Variants in XRRA1 observed in about 807,000 individuals in gnomAD.
The protein encoded by XRRA1 is X-ray radiation resistance associated 1.
In XRRA1, 69 loss-of-function variants were observed where a neutral mutation model predicts 80.2. The ratio of observed to expected loss-of-function variants is 0.86; its 90% confidence interval spans 0.71 to 1.05. The LOEUF is 1.05. XRRA1 is among the 50% of genes least tolerant of loss of function. The probability of loss-of-function intolerance (pLI) is 0.00; values close to 1 mark genes in which losing one functional copy is unlikely to be tolerated. For synonymous variants in XRRA1, 348 were observed against 389.9 expected, an observed-to-expected ratio of 0.89 and a Z score of 1.27; for missense variants, 967 against 976.4, an observed-to-expected ratio of 0.99 and a Z score of 0.13.
In XRRA1 at chr11:74,848,411, G is replaced by A; in HGVS notation, c.1432C>T (p.Pro478Ser). Residue 478 changes from proline to serine, a missense_variant, in exon 15 of 19, where the codon CCG becomes TCG. Physicochemically the swap from Pro to Ser is moderately conservative, Grantham distance 74. Coordinates refer to ENST00000684022, the MANE Select transcript of XRRA1 (RefSeq NM_001378157.1). Reference sequence around the variant, plus strand: ...GGAGACTTGGTTGTCGTCATGCGCGGGTGATGGAGCACCAGAGGCTGCTTC... The same window carrying A: ...GGAGACTTGGTTGTCGTCATGCGCGAGTGATGGAGCACCAGAGGCTGCTTC... ...VPKQPLVLHH[P>S]RMTTTKSPSK... 6.2e-7 allele frequency: 1 copy of A among 1,613,648 alleles called. No homozygotes were observed. Among genetic ancestry groups the A allele is most frequent in the Non-Finnish European group, 8.5e-7 (1 of 1,179,672 alleles).
chr11:74,878,969 A>C (rs1043145135), intron 10 of XRRA1, among the ~76,000 whole-genome samples: 16 of 150,814 alleles, frequency 1.1e-4, no homozygotes, highest in Non-Finnish European at 1.5e-5. Flanking sequence ...TTCCATATGA[A>C]CTTTAAAGTA....
At position 74,916,590 on chromosome 11, in the gene XRRA1, T is replaced by A. The variant is rs932709684; in HGVS notation, c.656+4624A>T. 2.6e-5 allele frequency among the ~76,000 whole-genome samples: 4 copies of A among 152,330 alleles called. No homozygotes were observed. The East Asian group carries it at 7.7e-4, about 29-fold the overall frequency. ...TGACTTTATTCATATCTTTCATTAG[T>A]TCTTTGAAAACCTTTAAGACAGCTG... On this transcript the variant is annotated intron_variant, in intron 8 of 18. Coordinates refer to ENST00000684022, the MANE Select transcript of XRRA1 (RefSeq NM_001378157.1).
intron 10 of XRRA1, among the ~76,000 whole-genome samples, chr11:74,904,502 TAC>T (rs1029964381): frequency 2.1e-4 from 32 of 151,002 alleles, no homozygotes; most frequent in African/African-American, 7.3e-4. Flanking sequence ...CCATTAGAGA[TAC>T]AGACATGAGA....
intron 8 of XRRA1, 57 bp from the exon 9 acceptor site, chr11:74,907,330 C>T (rs570186986): frequency 2.5e-5 from 40 of 1,601,512 alleles, no homozygotes; most frequent in Middle Eastern, 1.7e-4. Context: ...TTCCACCATT[C>T]CCAGGAAGCC....
intron 2 of XRRA1, among the ~76,000 whole-genome samples, chr11:74,943,524 G>GGAGTGTGTGTGTGTGTGTGT (rs1330173160): frequency 7.3e-6 from 1 of 137,762 alleles, no homozygotes; most frequent in Admixed American, 7.8e-5. Context: ...AGAGTAGGAG[G>GGAGTGTGTGTGTGTGTGTGT]GTGTGTGTGT....
chr11:74,898,067 CAT>C (rs1448265163), intron 10 of XRRA1, among the ~76,000 whole-genome samples: 2 of 152,112 alleles, frequency 1.3e-5, no homozygotes, highest in African/African-American at 4.8e-5. Context: ...CTTTTCAAGA[CAT>C]AGTATAATAA....
At chr11:74,921,996 G>A (rs918347773) in intron 7 of XRRA1, among the ~76,000 whole-genome samples, 1 of 152,098 alleles carries the variant, frequency 6.6e-6, no homozygotes, top group Admixed American at 6.5e-5. Context: ...AGTGGCTCAC[G>A]CCTGTAATCC....
In XRRA1 at chr11:74,843,426, C is replaced by T. The variant is rs772837887; in HGVS notation, c.2177G>A (p.Arg726Gln). Residue 726 changes from arginine to glutamine, a missense_variant, in exon 19 of 19, where the codon CGG becomes CAG. Physicochemically the swap from Arg to Gln is conservative, Grantham distance 43. Coordinates refer to ENST00000684022, the MANE Select transcript of XRRA1 (RefSeq NM_001378157.1). ...GTACTGCTTGTGGTTCACCAGCCGC[C>T]GTTCTGTCCACTGGTGCAGGACAGC... ...LGAVLHQWTE[R>Q]RLVNHKQYLE... 10 of 1,612,614 alleles carry T rather than the reference C, an allele frequency of 6.2e-6. No individual in the cohort carries two copies. The highest frequency in any genetic ancestry group is 3.3e-5 in the Admixed American group (2 of 59,864).
At chr11:74,882,468 G>C (rs1182819237) in intron 10 of XRRA1, among the ~76,000 whole-genome samples, 1 of 151,998 alleles carries the variant, frequency 6.6e-6, no homozygotes, top group Non-Finnish European at 1.5e-5. Context: ...TCCTCCCGTA[G>C]CTCAGAGTAA....
chr11:74,921,582 C>T (rs546325494), intron 7 of XRRA1, among the ~76,000 whole-genome samples: 7 of 152,140 alleles, frequency 4.6e-5, no homozygotes, highest in South Asian at 2.1e-4. Flanking sequence ...GACTCCTCCC[C>T]GCTGTTTGCC....
intron 10 of XRRA1, among the ~76,000 whole-genome samples, chr11:74,868,853 T>C (rs542549812): frequency 6.6e-6 from 1 of 152,122 alleles, no homozygotes; most frequent in Non-Finnish European, 1.5e-5. Context: ...AAAAAGCAAG[T>C]TGCTTTTAGA....
At chr11:74,852,543 G>C (rs78785758) in intron 12 of XRRA1, among the ~76,000 whole-genome samples, 1 of 152,124 alleles carries the variant, frequency 6.6e-6, no homozygotes, top group Non-Finnish European at 1.5e-5. Flanking sequence ...CACTTCTGAT[G>C]GCTCTTTCAC....
chr11:74,933,395 T>TACAG (rs983546164), intron 5 of XRRA1: 1 of 159,750 alleles, frequency 6.3e-6, no homozygotes, highest in African/African-American at 2.4e-5. Flanking sequence ...TAGCTGGGAT[T>TACAG]ACAGGTGCCT....
Position 74,939,538 on chromosome 11 carries a change from T to C in XRRA1, c.94+1247A>G, listed in dbSNP as rs549799392. ...TCAAGTCAGCTGCGTCCTTTCAACA[T>C]GCCCTCATTATTTTCCTGAGCACTT... On this transcript the variant is annotated intron_variant, in intron 3 of 18. Coordinates refer to ENST00000684022, the MANE Select transcript of XRRA1 (RefSeq NM_001378157.1). Among the ~76,000 whole-genome samples, 6 of 152,330 alleles carry C rather than the reference T, an allele frequency of 3.9e-5. No individual in the cohort carries two copies. In the South Asian group the frequency reaches 1.0e-3, roughly 26 times the overall value.
chr11:74,896,384 T>G (rs1375017326), intron 10 of XRRA1, among the ~76,000 whole-genome samples: 1 of 152,226 alleles, frequency 6.6e-6, no homozygotes, highest in East Asian at 1.9e-4. Context: ...GTCAGTGGCC[T>G]GGCAGAAACC....
Position 74,851,981 on chromosome 11 carries a change from C to T in XRRA1, c.1264+8G>A, listed in dbSNP as rs1358153646. On this transcript the variant is annotated splice_region_variant and intron_variant, in intron 13 of 18. Transcript: ENST00000684022. ...GGTTGAGAGGGGGCAGGTTTGCGGG[C>T]ACTATACCTCGTGTATGGGCCACCA... 18 of 1,612,932 alleles carry T rather than the reference C, an allele frequency of 1.1e-5. No individual in the cohort carries two copies. The highest frequency in any genetic ancestry group is 1.4e-5 in the Non-Finnish European group (17 of 1,179,128).
At position 74,868,363 on chromosome 11, in the gene XRRA1, GAGGTCTTGA is replaced by G. The variant is rs368463387; in HGVS notation, c.1004-5351_1004-5343del. Among the ~76,000 whole-genome samples the G allele has an allele frequency of 1.9e-3, 290 of 152,322 alleles. 1 individual carries two copies. Among genetic ancestry groups the G allele is most frequent in the African/African-American group, 4.6e-3 (193 of 41,560 alleles). ...CTATCCGACCAGATATGCCTTACAAGAGGTCTTGAAGGGAGTGCTAAACTTGGAAAGAAA... is the reference window on the plus strand; with the variant it reads ...CTATCCGACCAGATATGCCTTACAAGAGGGAGTGCTAAACTTGGAAAGAAA... On this transcript the variant is annotated intron_variant, in intron 10 of 18. Coordinates refer to ENST00000684022, the MANE Select transcript of XRRA1 (RefSeq NM_001378157.1).
intron 17 of XRRA1, 26 bp from the exon 18 acceptor site, chr11:74,843,985 G>A (rs373621337): frequency 2.5e-6 from 4 of 1,595,418 alleles, no homozygotes; most frequent in Non-Finnish European, 3.4e-6. Flanking sequence ...GGAGGAGGGT[G>A]TTATCCCAGG....
Position 74,844,218 on chromosome 11 carries a change from T to A in XRRA1, c.1993A>T (p.Lys665Ter). 6.2e-7 allele frequency: 1 copy of A among 1,613,864 alleles called. No homozygotes were observed. The highest frequency in any genetic ancestry group is 2.2e-5 in the East Asian group (1 of 44,876). The stretch of plus-strand genomic sequence containing the variant: ...TTCTGAAGAGTGTCCAGCTTGGGCT[T>A]GGAGGAGTGGCACAGGAGTGGGTGC... Reference protein sequence around the residue: ...LKHPLLCHSSKPKLDTLQKPY... With the variant: ...LKHPLLCHSS Residue 665 changes from lysine (K) to a stop codon, truncating the protein, a stop_gained, in exon 17 of 19, where the codon AAG becomes TAG. Coordinates refer to ENST00000684022, the MANE Select transcript of XRRA1 (RefSeq NM_001378157.1). LOFTEE classifies it high-confidence loss of function.
Sources: allele counts gnomAD v4.1 joint callset (sites outside exome capture counted in the v4.1 genomes callset), GRCh38; gene constraint gnomAD v4.1.1; transcripts MANE v1.5; gene names NCBI Gene and HGNC (gene_info 2026-07-23, HGNC 2026-07-21).